OPRM1: variants seen among roughly 807,000 people sequenced by gnomAD.
OPRM1 encodes the protein opioid receptor mu 1.
OPRM1 carries 27 observed loss-of-function variants against 31.8 expected under a neutral mutation model. The observed-to-expected ratio is 0.85, with a 90% CI of 0.63 to 1.17. The LOEUF is 1.17. OPRM1 is among the 50% of genes most tolerant of loss of function. The pLI is 0.00. For missense variants in OPRM1, 536 were observed against 511.1 expected, an observed-to-expected ratio of 1.05 and a Z score of -0.47; for synonymous variants, 196 against 189.9, an observed-to-expected ratio of 1.03 and a Z score of -0.26.
chr6:154,110,055 CA>C (rs888013309), intron 3 of OPRM1, among the ~76,000 whole-genome samples: 2 of 152,150 alleles, frequency 1.3e-5, no homozygotes, highest in African/African-American at 4.8e-5. Context: ...TAATTCTAGG[CA>C]TTAATCAGAA....
intron 3 of OPRM1, among the ~76,000 whole-genome samples, chr6:154,202,519 C>A (rs778638967): frequency 6.6e-6 from 1 of 152,134 alleles, no homozygotes; most frequent in East Asian, 1.9e-4. Context: ...TAGTAAAATT[C>A]AACTTCTATG....
rs371311533 is a variant in OPRM1 at position 154,128,488 on chromosome 6, G to A, written c.*9767G>A. ...CTAAGAACTGGGACAGTCCGTTGAG[G>A]ATCCTTGTGCCAGGATGTATGTTGC... On this transcript the variant is annotated 3_prime_UTR_variant, in exon 4 of 4. Transcript: ENST00000330432. Among the ~76,000 whole-genome samples, 2 of 152,172 alleles carry A rather than the reference G, an allele frequency of 1.3e-5. No individual in the cohort carries two copies. The highest frequency in any genetic ancestry group is 3.8e-4 in the East Asian group (2 of 5,202).
chr6:154,100,004 T>TTATATATTATCA (rs1794354767), intron 3 of OPRM1, among the ~76,000 whole-genome samples: 1 of 120,414 alleles, frequency 8.3e-6, no homozygotes, highest in Admixed American at 8.6e-5. Flanking sequence ...TATTATCATA[T>TTATATATTATCA]TATGATATAT....
At chr6:154,217,429 T>C (rs1778494735) in intron 3 of OPRM1, 1 of 139,648 alleles carries the variant, frequency 7.2e-6, no homozygotes, top group Non-Finnish European at 1.5e-5. Flanking sequence ...GGTGGCTGCA[T>C]GGAGAAAAAA....
intron 1 of OPRM1, among the ~76,000 whole-genome samples, chr6:154,025,233 T>C (rs1468829121): frequency 6.6e-6 from 1 of 152,038 alleles, no homozygotes; most frequent in Non-Finnish European, 1.5e-5. Context: ...GAAATTGTTA[T>C]ATCTGCTTGC....
upstream of OPRM1, among the ~76,000 whole-genome samples, chr6:154,035,179 A>C (rs114496965): frequency 7.7e-3 from 1,175 of 152,284 alleles, 23 homozygotes; most frequent in African/African-American, 0.027. Flanking sequence ...CAAGGAAGTA[A>C]ATAGTTGAGA....
chr6:154,192,382 TTAGA>T (rs1319925786), intron 3 of OPRM1, among the ~76,000 whole-genome samples: 11 of 151,260 alleles, frequency 7.3e-5, no homozygotes, highest in Middle Eastern at 3.2e-3. Context: ...ATGGAGTATT[TTAGA>T]TAGAGAGAGA....
chr6:154,111,284 A>G (rs1318558827), intron 3 of OPRM1, among the ~76,000 whole-genome samples: 2 of 152,154 alleles, frequency 1.3e-5, no homozygotes, highest in Non-Finnish European at 2.9e-5. Context: ...GGTTTTCTGT[A>G]TGGCTCTGTT....
At chr6:154,090,763 A>G (rs1791927188) in intron 2 of OPRM1, among the ~76,000 whole-genome samples, 189 bp from the exon 3 acceptor site, 1 of 152,246 alleles carries the variant, frequency 6.6e-6, no homozygotes, top group Non-Finnish European at 1.5e-5. Flanking sequence ...TTTAGAAAAA[A>G]ACAAAAAACA....
At chr6:154,152,356 GAAAGAAAGAA>G (rs1798550891) in intron 3 of OPRM1, among the ~76,000 whole-genome samples, 2 of 142,724 alleles carry the variant, frequency 1.4e-5, no homozygotes, top group African/African-American at 5.6e-5. Context: ...AGGAAAGAAA[GAAAGAAAGAA>G]AGAAAGAAAG....
intron 1 of OPRM1, among the ~76,000 whole-genome samples, chr6:154,032,227 A>G (rs1779048794): frequency 6.6e-6 from 1 of 152,236 alleles, no homozygotes. Context: ...TATATGATGC[A>G]TACTGTGCCA....
At chr6:154,190,658 T>C (rs1801793332) in intron 3 of OPRM1, among the ~76,000 whole-genome samples, 1 of 152,204 alleles carries the variant, frequency 6.6e-6, no homozygotes, top group Non-Finnish European at 1.5e-5. Flanking sequence ...TACTCATTGC[T>C]ATTTACCCCA....
chr6:154,010,520 G>A, exon 1 of OPRM1: 3 of 1,547,078 alleles, frequency 1.9e-6, no homozygotes, highest in Non-Finnish European at 2.6e-6. Flanking sequence ...AAAATGATGA[G>A]GGCTAAATCC....
At chr6:154,101,623 G>A (rs1180389195) in intron 3 of OPRM1, among the ~76,000 whole-genome samples, 3 of 152,046 alleles carry the variant, frequency 2.0e-5, no homozygotes, top group South Asian at 2.1e-4. Flanking sequence ...ACAGTTCTTC[G>A]AACACTGGAA....
At chr6:154,040,640 G>A (rs1779868238) in intron 1 of OPRM1, among the ~76,000 whole-genome samples, 1 of 152,176 alleles carries the variant, frequency 6.6e-6, no homozygotes, top group Admixed American at 6.5e-5. Flanking sequence ...TCACAAGTTG[G>A]AGCTAATTAG....
intron 3 of OPRM1, chr6:154,158,902 GTTTTTGTT>G (rs1406152588): frequency 2.0e-5 from 3 of 151,988 alleles, no homozygotes; most frequent in African/African-American, 2.4e-5. Flanking sequence ...GCTTCCATGG[GTTTTTGTT>G]TTTTTGTTTT....
intron 1 of OPRM1, chr6:154,087,285 T>G (rs1790813750): frequency 2.0e-6 from 2 of 985,464 alleles, no homozygotes; most frequent in South Asian, 4.7e-5. Flanking sequence ...ACTTTCCTGA[T>G]GTTATTGAAA....
chr6:154,168,017 G>A lies in OPRM1; in HGVS notation c.1164+76545G>A, dbSNP rs1255514604. 8.1e-6 allele frequency: 13 copies of A among 1,611,392 alleles called. No homozygotes were observed. The highest frequency in any genetic ancestry group is 1.1e-5 in the Non-Finnish European group (13 of 1,178,126). ...AAAGGATTTTCTCAACTCCTTTTTA[G>A]TCGAAGGTCGTCGGTCCCCAAGAGG... is the stretch of plus-strand genomic sequence containing the variant. On this transcript the variant is annotated intron_variant, in intron 3 of 3. Transcript: ENST00000337049. The surrounding 1 kb of genome is among the most constrained non-coding windows in gnomAD (Gnocchi z 4.1).
intron 3 of OPRM1, among the ~76,000 whole-genome samples, chr6:154,202,948 T>A (rs1777192317): frequency 6.6e-6 from 1 of 152,018 alleles, no homozygotes; most frequent in Admixed American, 6.6e-5. Flanking sequence ...CAGGGGGAGT[T>A]TTCATTGGAA....
Sources: allele counts gnomAD v4.1 joint callset (sites outside exome capture counted in the v4.1 genomes callset), GRCh38; gene constraint gnomAD v4.1.1; non-coding constraint Gnocchi (gnomAD v3.1); transcripts MANE v1.5; gene names NCBI Gene and HGNC (gene_info 2026-07-23, HGNC 2026-07-21).